Variants in OTULIN observed in about 807,000 individuals in gnomAD.
OTULIN encodes the protein OTU deubiquitinase with linear linkage specificity, also known as ubiquitin thioesterase otulin.
OTULIN carries 15 observed loss-of-function variants against 39.6 expected under a neutral mutation model. The ratio of observed to expected loss-of-function variants is 0.38; its 90% confidence interval spans 0.25 to 0.58. The LOEUF (loss-of-function observed/expected upper bound fraction) is 0.58. Ranked by LOEUF, OTULIN falls within the 20% of genes least tolerant of loss-of-function variation. OTULIN has a pLI of 0.66. For missense variants in OTULIN, 319 were observed against 445.9 expected, an observed-to-expected ratio of 0.72 and a Z score of 2.56; for synonymous variants, 156 against 170.3, an observed-to-expected ratio of 0.92 and a Z score of 0.65.
At position 14,698,303 on chromosome 5, in the gene OTULIN, G is replaced by T. The variant is rs1357393886; in HGVS notation, c.*5255G>T. On this transcript the variant is annotated 3_prime_UTR_variant, in exon 7 of 7. Transcript: ENST00000284274. ...GTGTGAACCTGGCAGCGCTCATCTT[G>T]GCTTGTTTAGCAGTGCCTCTGTTTA... 1 of 152,210 alleles carries T rather than the reference G, an allele frequency of 6.6e-6. No individual in the cohort carries two copies. The highest frequency in any genetic ancestry group is 2.4e-5 in the African/African-American group (1 of 41,452). 9.4% of individuals were successfully genotyped at this position (152,210 alleles called of 1,614,324 possible).
intron 3 of OTULIN, among the ~76,000 whole-genome samples, chr5:14,680,522 G>A (rs530815502): frequency 2.6e-5 from 4 of 152,264 alleles, no homozygotes; most frequent in African/African-American, 9.6e-5. Flanking sequence ...GGGCTGACTC[G>A]ACCCAGGGTC....
At chr5:14,687,794 T>C (rs1317461207) in intron 5 of OTULIN, 148 bp downstream of exon 5, 2 of 944,616 alleles carry the variant, frequency 2.1e-6, no homozygotes, top group African/African-American at 3.3e-5. Context: ...ATTCAAACTC[T>C]TCCCACGAGG....
At position 14,673,623 on chromosome 5, in the gene OTULIN, T is replaced by C. The variant is rs956067614; in HGVS notation, c.153-19T>C. ...AGTGCAACAAGTGTTTGAAAATGTC[T>C]GCTTTGGTGTAATTTCAGTGAGGAG... On this transcript the variant is annotated intron_variant, in intron 1 of 6. Coordinates refer to ENST00000284274, the MANE Select transcript of OTULIN (RefSeq NM_138348.6). 5.0e-6 allele frequency: 8 copies of C among 1,609,522 alleles called. No homozygotes were observed. The highest frequency in any genetic ancestry group is 1.6e-4 in the Middle Eastern group (1 of 6,062).
downstream of OTULIN, among the ~76,000 whole-genome samples, chr5:14,699,990 G>A (rs1736765582): frequency 6.6e-6 from 1 of 152,230 alleles, no homozygotes; most frequent in Admixed American, 6.5e-5. Context: ...GCACGAGTAT[G>A]TTTCCTTAGG....
At chr5:14,692,510 G>A (rs1272118420) in intron 6 of OTULIN, among the ~76,000 whole-genome samples, 3 of 152,164 alleles carry the variant, frequency 2.0e-5, no homozygotes, top group African/African-American at 4.8e-5. Flanking sequence ...ATCTTTTCAT[G>A]TGCTTTCTTG....
At chr5:14,680,768 A>G (rs1736226782) in intron 3 of OTULIN, among the ~76,000 whole-genome samples, 1 of 152,234 alleles carries the variant, frequency 6.6e-6, no homozygotes, top group Non-Finnish European at 1.5e-5. Context: ...ACTTCACTTA[A>G]GAAAAGAAGG....
chr5:14,709,195 GCTTT>G, the OTULIN span: 2 of 152,170 alleles, frequency 1.3e-5, no homozygotes, highest in Non-Finnish European at 2.9e-5. Context: ...TGCCCGGCCT[GCTTT>G]CTCAGTTTGG....
At chr5:14,716,004 C>CT in the OTULIN span, among the ~76,000 whole-genome samples, 1 of 152,122 alleles carries the variant, frequency 6.6e-6, no homozygotes, top group East Asian at 1.9e-4. Flanking sequence ...CTCTATTTTT[C>CT]TTTTTTTGAT....
chr5:14,695,619 C>A lies in OTULIN; in HGVS notation c.*2571C>A, dbSNP rs932433082. ...TGCATTTAAACCTAAAATAATTTCC[C>A]TGTATTATGCTTCATGGGATTAACA... On this transcript the variant is annotated 3_prime_UTR_variant, in exon 7 of 7. Coordinates refer to ENST00000284274, the MANE Select transcript of OTULIN (RefSeq NM_138348.6). 6.6e-6 allele frequency: 1 copy of A among 152,186 alleles called. No individual in the cohort carries two copies. The highest frequency in any genetic ancestry group is 2.4e-5 in the African/African-American group (1 of 41,440). The allele number at this position is 152,186 out of a possible 1,614,324, so 9.4% of individuals were successfully genotyped here.
chr5:14,711,913 A>G, the OTULIN span, among the ~76,000 whole-genome samples: 2 of 152,072 alleles, frequency 1.3e-5, no homozygotes, highest in Non-Finnish European at 2.9e-5. Context: ...CGACACACCA[A>G]CAGGCCAAGG....
the OTULIN span, among the ~76,000 whole-genome samples, chr5:14,711,700 T>C: frequency 3.3e-5 from 5 of 152,236 alleles, no homozygotes; most frequent in Admixed American, 2.6e-4. Flanking sequence ...TATCAAAATA[T>C]TCCACCTTGT....
At chr5:14,692,803 A>G (rs755172828) in intron 6 of OTULIN, 51 bp from the exon 7 acceptor site, 2 of 1,556,406 alleles carry the variant, frequency 1.3e-6, no homozygotes, top group Non-Finnish European at 1.8e-6. Context: ...GTGTTAAGCC[A>G]CGTTTTTCAG....
the OTULIN span, among the ~76,000 whole-genome samples, chr5:14,715,654 T>G: frequency 2.0e-5 from 3 of 152,240 alleles, no homozygotes; most frequent in Admixed American, 1.3e-4. Context: ...CTTGGTGAGT[T>G]ACTTATACAA....
chr5:14,692,786 G>T, intron 6 of OTULIN, 68 bp from the exon 7 acceptor site: 1 of 1,422,430 alleles, frequency 7.0e-7, no homozygotes, highest in South Asian at 1.2e-5. Flanking sequence ...ATAATGGATG[G>T]AACATGGTGT....
intron 1 of OTULIN, among the ~76,000 whole-genome samples, chr5:14,672,522 C>G (rs1303721407): frequency 1.3e-5 from 2 of 152,030 alleles, no homozygotes; most frequent in South Asian, 2.1e-4. Flanking sequence ...CCTGGCACCT[C>G]CTCCTTCCTG....
At position 14,679,503 on chromosome 5, in the gene OTULIN, G is replaced by T. The variant is rs145205206; in HGVS notation, c.324+728G>T. Among the ~76,000 whole-genome samples the T allele has an allele frequency of 1.4e-3, 215 of 151,840 alleles. 1 individual carries two copies. Among genetic ancestry groups the T allele is most frequent in the African/African-American group, 5.1e-3 (210 of 41,366 alleles). ...CTTCCATGACCTCTTGAAACCTCTGGGTTTATCTTTTGCTCATTTTTCTCT... is the reference window on the plus strand; with the variant it reads ...CTTCCATGACCTCTTGAAACCTCTGTGTTTATCTTTTGCTCATTTTTCTCT... On this transcript the variant is annotated intron_variant, in intron 3 of 6. Transcript: ENST00000284274.
Position 14,690,384 on chromosome 5 carries a change from G to A in OTULIN, c.864+76G>A. 2 of 1,533,828 alleles carry A rather than the reference G, an allele frequency of 1.3e-6. No individual in the cohort carries two copies. The highest frequency in any genetic ancestry group is 1.8e-6 in the Non-Finnish European group (2 of 1,137,854). ...GATCAAACTTGATGTCACAGTTTTT[G>A]TAGGTCAGAAATTCAGGGACAGCTT... On this transcript the variant is annotated intron_variant, in intron 6 of 6. Transcript: ENST00000284274. This position sits in a 1 kb window ranked among gnomAD's most constrained non-coding sequence, Gnocchi z 4.5.
chr5:14,678,325 G>T (rs1455449179), intron 2 of OTULIN, among the ~76,000 whole-genome samples: 2 of 152,190 alleles, frequency 1.3e-5, no homozygotes, highest in Middle Eastern at 3.2e-3. Flanking sequence ...GACCAGAGAG[G>T]CAGAGAGGGG....
intron 4 of OTULIN, 127 bp from the exon 5 acceptor site, chr5:14,687,394 T>G: frequency 8.7e-7 from 1 of 1,149,752 alleles, no homozygotes; most frequent in Admixed American, 2.7e-5. Context: ...ACATCACAGA[T>G]TTGCAGAATT....
Sources: gnomAD v4.1 joint callset for allele counts (sites outside exome capture counted in the v4.1 genomes callset) on GRCh38, gnomAD v4.1.1 for gene constraint, Gnocchi (gnomAD v3.1) non-coding constraint, MANE v1.5 for transcripts, NCBI Gene and HGNC (gene_info 2026-07-23, HGNC 2026-07-21) for gene names.